The following CUEDC1 variants were observed in gnomAD, a reference collection of about 807,000 sequenced individuals.
CUEDC1 encodes the protein CUE domain containing 1, also known as CUE domain-containing protein 1.
In CUEDC1, 30 loss-of-function variants were observed where a neutral mutation model predicts 43.7. The observed-to-expected ratio is 0.69, with a 90% CI of 0.51 to 0.93. CUEDC1 has a LOEUF of 0.93. Among genes scored for constraint, CUEDC1 ranks in the 40% least tolerant of loss-of-function variants. CUEDC1 has a pLI of 0.00. For missense variants in CUEDC1, 486 were observed against 549.0 expected (o/e 0.89, Z 1.15); for synonymous variants, 223 against 223.6 (o/e 1.00, Z 0.02).
At chr17:57,937,480 A>T (rs1038931978) in intron 1 of CUEDC1, among the ~76,000 whole-genome samples, 9 of 151,890 alleles carry the variant, frequency 5.9e-5, no homozygotes, top group African/African-American at 1.9e-4. Context: ...ATGTGGCAGC[A>T]TGCACCGGTA....
intron 1 of CUEDC1, among the ~76,000 whole-genome samples, chr17:57,907,411 G>GGA (rs2074540129): frequency 6.6e-6 from 1 of 152,116 alleles, no homozygotes; most frequent in Admixed American, 6.5e-5. Context: ...CCCTCAGTCA[G>GGA]GCTGGATCAT....
intron 1 of CUEDC1, among the ~76,000 whole-genome samples, chr17:57,928,546 CAAA>C (rs11411589): frequency 1.2e-5 from 1 of 86,858 alleles, no homozygotes; most frequent in Admixed American, 1.3e-4. Flanking sequence ...GACTCTGTCT[CAAA>C]AAAAAAAAAA....
intron 1 of CUEDC1, among the ~76,000 whole-genome samples, chr17:57,896,460 T>C (rs1016996640): frequency 8.1e-5 from 12 of 148,028 alleles, no homozygotes; most frequent in African/African-American, 1.5e-4. Flanking sequence ...ACAATGAGTA[T>C]AGTCACTCTA....
chr17:57,873,600 G>C lies in CUEDC1; in HGVS notation c.582C>G (p.Asp194Glu). 6.3e-7 allele frequency: 1 copy of C among 1,590,810 alleles called. No homozygotes were observed. The change falls in exon 4 of 11, where the codon GAC becomes GAG. Residue 194 changes from aspartate to glutamate, a missense_variant. Asp to Glu is a conservative substitution (Grantham distance 45). Transcript: ENST00000577830. ...DFLRILPQQL[D>E]SIQGNAGGPK... ...GGGCGGCCCCTGTTACCTGTATGCT[G>C]TCCAGCTGCTGGGGCAGGATGCGGA...
intron 5 of CUEDC1, among the ~76,000 whole-genome samples, chr17:57,871,651 T>C (rs1008673420): frequency 8.5e-5 from 13 of 152,204 alleles, no homozygotes; most frequent in Admixed American, 2.0e-4. Flanking sequence ...CGGCCAGGGA[T>C]GGTGGCTCAT....
At chr17:57,905,771 A>G (rs1304331338) in intron 1 of CUEDC1, among the ~76,000 whole-genome samples, 1 of 152,136 alleles carries the variant, frequency 6.6e-6, no homozygotes, top group Non-Finnish European at 1.5e-5. Flanking sequence ...CTGGATGTCC[A>G]TGTGTACACT....
At position 57,862,542 on chromosome 17, in the gene CUEDC1, C is replaced by T. The variant is rs1455550173; in HGVS notation, c.*747G>A. 2 of 152,480 alleles carry T rather than the reference C, an allele frequency of 1.3e-5. No homozygotes were observed. Among genetic ancestry groups the T allele is most frequent in the Admixed American group, 1.3e-4 (2 of 15,292 alleles). 9.4% of individuals were successfully genotyped at this position (152,480 alleles called of 1,614,324 possible). On this transcript the variant is annotated 3_prime_UTR_variant, in exon 11 of 11. Coordinates refer to ENST00000577830, the MANE Select transcript of CUEDC1 (RefSeq NM_001271875.2). ...TCCAGCTCCAGGGTGGCCACCCTCC[C>T]CATCCCTGCTGGGTGACCGGGAGCT...
At chr17:57,935,558 C>G (rs1449540086) in intron 1 of CUEDC1, among the ~76,000 whole-genome samples, 1 of 152,186 alleles carries the variant, frequency 6.6e-6, no homozygotes, top group Non-Finnish European at 1.5e-5. Flanking sequence ...GTGACATTTC[C>G]TCATAGCCAG....
At chr17:57,949,922 C>A (rs1346264409) in intron 1 of CUEDC1, among the ~76,000 whole-genome samples, 3 of 152,150 alleles carry the variant, frequency 2.0e-5, no homozygotes, top group African/African-American at 7.2e-5. Flanking sequence ...CAAATCCTGG[C>A]TCTGCCACTT....
chr17:57,885,594 T>C lies in CUEDC1; in HGVS notation c.-30A>G, dbSNP rs2074279638. Reference sequence around the variant, plus strand: ...CGGAGCCGCTTGGGGAAAATGTTTCTAGCCGGCCGCAAAGCCCCTTCCCCA... The same window carrying C: ...CGGAGCCGCTTGGGGAAAATGTTTCCAGCCGGCCGCAAAGCCCCTTCCCCA... On this transcript the variant is annotated 5_prime_UTR_variant, in exon 2 of 11. Transcript: ENST00000577830. The C allele has an allele frequency of 2.2e-6, 3 of 1,343,244 alleles. No individual in the cohort carries two copies. Among genetic ancestry groups the C allele is most frequent in the Non-Finnish European group, 2.8e-6 (3 of 1,053,420 alleles). The allele number at this position is 1,343,244 out of a possible 1,614,324, so 83.2% of individuals were successfully genotyped here. A position where few individuals can be genotyped will look rare whatever the true frequency, so the allele number is the denominator to read the frequency against.
intron 1 of CUEDC1, among the ~76,000 whole-genome samples, chr17:57,888,569 C>T (rs994322546): frequency 1.3e-5 from 2 of 152,184 alleles, no homozygotes; most frequent in East Asian, 1.9e-4. Flanking sequence ...TTCCCATAGC[C>T]GGCTTTAGAC....
chr17:57,885,343 G>A lies in CUEDC1; in HGVS notation c.222C>T (p.Ser74=), dbSNP rs151297848. 46 of 1,611,796 alleles carry A rather than the reference G, an allele frequency of 2.9e-5. No individual in the cohort carries two copies. The highest frequency in any genetic ancestry group is 3.6e-5 in the Non-Finnish European group (42 of 1,179,664). The part of the protein sequence containing the change: ...DIIECVLRAN[S]GAVDATIDQL... Reference sequence around the variant, plus strand: ...GGTCGATGGTGGCGTCCACAGCGCCGCTGTTGGCGCGCAGCACGCATTCGA... The same window carrying A: ...GGTCGATGGTGGCGTCCACAGCGCCACTGTTGGCGCGCAGCACGCATTCGA... Residue 74 remains serine, a synonymous_variant, in exon 2 of 11, where the codon AGC becomes AGT. Transcript: ENST00000577830.
In CUEDC1 at chr17:57,863,023, C is replaced by G. The variant is rs1156818614; in HGVS notation, c.*266G>C. 6.6e-6 allele frequency: 1 copy of G among 151,948 alleles called. No homozygotes were observed. The highest frequency in any genetic ancestry group is 1.5e-5 in the Non-Finnish European group (1 of 67,908). 9.4% of individuals were successfully genotyped at this position (151,948 alleles called of 1,614,324 possible). A position where few individuals can be genotyped will look rare whatever the true frequency, so the allele number is the denominator to read the frequency against. On this transcript the variant is annotated 3_prime_UTR_variant, in exon 11 of 11. Coordinates refer to ENST00000577830, the MANE Select transcript of CUEDC1 (RefSeq NM_001271875.2). ...TTCCACTCTTTGACCATAGGAACGC[C>G]TGGCTACAAAAGGGGCTGTAATTGG...
chr17:57,896,495 T>G (rs866739365), intron 1 of CUEDC1, among the ~76,000 whole-genome samples: 5,126 of 123,700 alleles, frequency 0.041, 493 homozygotes, highest in African/African-American at 0.16. Context: ...GGGGTGTGTG[T>G]GTGTGTGTGT....
intron 1 of CUEDC1, 34 bp from the exon 2 acceptor site, chr17:57,885,913 C>T (rs923545774): frequency 9.9e-6 from 2 of 201,484 alleles, no homozygotes; most frequent in African/African-American, 4.6e-5. Flanking sequence ...AGGGCCGAGG[C>T]TAACAAAACA....
intron 6 of CUEDC1, 124 bp from the exon 7 acceptor site, chr17:57,869,317 G>C (rs533241401): frequency 1.5e-5 from 12 of 791,082 alleles, no homozygotes; most frequent in Admixed American, 2.3e-5. Flanking sequence ...CCAGAAGGGA[G>C]TTTAAAGCAA....
chr17:57,925,650 C>A (rs1390547122), intron 1 of CUEDC1, among the ~76,000 whole-genome samples: 1 of 152,108 alleles, frequency 6.6e-6, no homozygotes, highest in Non-Finnish European at 1.5e-5. Context: ...GCCGCCACCC[C>A]CAAGCATGAG....
At chr17:57,931,554 G>A (rs576992964) in intron 1 of CUEDC1, among the ~76,000 whole-genome samples, 16 of 152,126 alleles carry the variant, frequency 1.1e-4, no homozygotes, top group Non-Finnish European at 2.2e-4. Context: ...TTCCTGCAGT[G>A]GGGGGAAAGA....
chr17:57,886,008 T>G, intron 1 of CUEDC1, 129 bp from the exon 2 acceptor site: 1 of 156,110 alleles, frequency 6.4e-6, no homozygotes, highest in Non-Finnish European at 1.4e-5. Flanking sequence ...GGCTTGCTTC[T>G]TCCTCATGCT....
Sources: gnomAD v4.1 joint callset for allele counts (sites outside exome capture counted in the v4.1 genomes callset) on GRCh38, gnomAD v4.1.1 for gene constraint, MANE v1.5 for transcripts, NCBI Gene and HGNC (gene_info 2026-07-23, HGNC 2026-07-21) for gene names.